CYRIA: variants seen among roughly 807,000 people sequenced by gnomAD.
The protein encoded by CYRIA is CYFIP-related Rac1 interactor A.
CYRIA carries 15 observed loss-of-function variants against 43.9 expected under a neutral mutation model. That is an observed-to-expected ratio of 0.34 (90% confidence interval 0.23 to 0.53). The LOEUF (loss-of-function observed/expected upper bound fraction) is 0.53, where lower values mean the gene tolerates loss of function less well. Among genes scored for constraint, CYRIA ranks in the 20% least tolerant of loss-of-function variants. CYRIA has a pLI of 0.94. For synonymous variants in CYRIA, 117 were observed against 136.0 expected (o/e 0.86, Z 0.97); for missense variants, 236 against 394.2 (o/e 0.60, Z 3.40).
chr2:16,590,530 AT>A (rs1174505042), intron 2 of CYRIA, among the ~76,000 whole-genome samples: 1 of 152,100 alleles, frequency 6.6e-6, no homozygotes, highest in Non-Finnish European at 1.5e-5. Flanking sequence ...CCTGTATGTG[AT>A]TTTACTGTCA....
Position 16,658,343 on chromosome 2 carries a change from G to A in CYRIA, c.-167+7437C>T, listed in dbSNP as rs372066270. Among the ~76,000 whole-genome samples the A allele has an allele frequency of 3.0e-4, 45 of 152,302 alleles. 2 individuals are homozygous for A. In the South Asian group the frequency reaches 8.7e-3, roughly 30 times the overall value. On this transcript the variant is annotated intron_variant, in intron 1 of 11. Coordinates refer to ENST00000381323, the MANE Select transcript of CYRIA (RefSeq NM_030797.4). The stretch of plus-strand genomic sequence containing the variant: ...ACAAATAAAGAGGAACCTAGAGGAC[G>A]TAGCAAAAACTTTACAAACAAATTT...
chr2:16,602,485 G>A (rs572447163), intron 2 of CYRIA, among the ~76,000 whole-genome samples: 2 of 152,168 alleles, frequency 1.3e-5, no homozygotes, highest in South Asian at 2.1e-4. Flanking sequence ...TCTTCAGTAT[G>A]AACATATGTC....
At chr2:16,576,712 C>A (rs767271227) in intron 3 of CYRIA, among the ~76,000 whole-genome samples, 1 of 152,018 alleles carries the variant, frequency 6.6e-6, no homozygotes, top group African/African-American at 2.4e-5. Context: ...AAGCTTAGCA[C>A]GTAGAATACC....
At chr2:16,627,058 C>T (rs923133496) in intron 1 of CYRIA, among the ~76,000 whole-genome samples, 3 of 152,222 alleles carry the variant, frequency 2.0e-5, no homozygotes, top group Admixed American at 6.5e-5. Context: ...CCGAAATAGG[C>T]ATCTCCTGTC....
chr2:16,637,450 G>A (rs1669533288), intron 1 of CYRIA, among the ~76,000 whole-genome samples: 1 of 152,182 alleles, frequency 6.6e-6, no homozygotes, highest in African/African-American at 2.4e-5. Context: ...AGGATGCAAT[G>A]AGGAAACAGC....
chr2:16,559,101 G>A (rs1465501129), intron 10 of CYRIA, among the ~76,000 whole-genome samples: 1 of 152,142 alleles, frequency 6.6e-6, no homozygotes, highest in East Asian at 1.9e-4. Context: ...TTGTAATGTA[G>A]TATCTCCCAA....
chr2:16,590,403 A>T (rs939828269), intron 2 of CYRIA, among the ~76,000 whole-genome samples: 1 of 152,180 alleles, frequency 6.6e-6, no homozygotes, highest in Non-Finnish European at 1.5e-5. Context: ...TTGTAGGAGT[A>T]CTGACTTTCA....
chr2:16,588,440 A>AAAC (rs1667811972), intron 2 of CYRIA, among the ~76,000 whole-genome samples: 1 of 151,950 alleles, frequency 6.6e-6, no homozygotes, highest in African/African-American at 2.4e-5. Context: ...AAAAAAAAAA[A>AAAC]AACATAAAGA....
At chr2:16,570,386 G>A (rs374800342) in intron 3 of CYRIA, among the ~76,000 whole-genome samples, 31 of 152,256 alleles carry the variant, frequency 2.0e-4, no homozygotes, top group African/African-American at 7.2e-4. Flanking sequence ...TGTCTCACCA[G>A]TGTGGTTAAC....
At chr2:16,591,964 T>C (rs1221489625) in intron 2 of CYRIA, among the ~76,000 whole-genome samples, 1 of 152,164 alleles carries the variant, frequency 6.6e-6, no homozygotes, top group African/African-American at 2.4e-5. Flanking sequence ...GTCCTACTTA[T>C]GTAGGACATA....
chr2:16,593,686 TTG>T (rs201335187), intron 2 of CYRIA, among the ~76,000 whole-genome samples: 1 of 135,370 alleles, frequency 7.4e-6, no homozygotes, highest in Non-Finnish European at 1.6e-5. Context: ...CTTTATTTTT[TTG>T]TGTGTGTGTG....
intron 1 of CYRIA, among the ~76,000 whole-genome samples, chr2:16,644,908 C>T (rs535820811): frequency 6.6e-6 from 1 of 152,330 alleles, no homozygotes; most frequent in Non-Finnish European, 1.5e-5. Context: ...TAGCAGACGG[C>T]AGCTGATTGA....
Position 16,610,897 on chromosome 2 carries a change from CATATATATAT to C in CYRIA, c.-11+12957_-11+12966del, listed in dbSNP as rs60848949. Among the ~76,000 whole-genome samples, 518 of 92,570 alleles carry C rather than the reference CATATATATAT, an allele frequency of 5.6e-3. 20 individuals are homozygous for C. The highest frequency in any genetic ancestry group is 0.037 in the East Asian group (56 of 1,532). The allele number at this position is 92,570 out of a possible 152,430, so 60.7% of individuals were successfully genotyped here. On this transcript the variant is annotated intron_variant, in intron 2 of 11. Transcript: ENST00000381323. ...TAGGATTGACTTCTTTTAGTCCCAA[CATATATATAT>C]ATATATATATATATATATATATATA... is the stretch of plus-strand genomic sequence containing the variant.
intron 1 of CYRIA, among the ~76,000 whole-genome samples, chr2:16,636,640 A>G (rs1224390034): frequency 2.0e-5 from 3 of 151,638 alleles, no homozygotes; most frequent in Non-Finnish European, 2.9e-5. Context: ...AGGTCTCTAC[A>G]CTCCCTCTGC....
chr2:16,581,292 G>C (rs754865065), intron 3 of CYRIA, among the ~76,000 whole-genome samples: 1 of 152,090 alleles, frequency 6.6e-6, no homozygotes, highest in African/African-American at 2.4e-5. Flanking sequence ...CAAAAGACAT[G>C]ACAAGATATT....
At chr2:16,655,211 T>A (rs940341840) in intron 1 of CYRIA, among the ~76,000 whole-genome samples, 2 of 152,236 alleles carry the variant, frequency 1.3e-5, no homozygotes, top group African/African-American at 4.8e-5. Flanking sequence ...TTTGCTTCAG[T>A]AATTGCAGGC....
At chr2:16,624,697 T>G (rs948949209) in intron 1 of CYRIA, among the ~76,000 whole-genome samples, 6 of 152,186 alleles carry the variant, frequency 3.9e-5, no homozygotes, top group African/African-American at 1.4e-4. Context: ...TATTGCAGGG[T>G]TTTTTTCCTG....
intron 3 of CYRIA, among the ~76,000 whole-genome samples, chr2:16,575,727 G>A (rs1358502116): frequency 1.3e-5 from 2 of 152,054 alleles, no homozygotes; most frequent in African/African-American, 2.4e-5. Flanking sequence ...GTGATGGCGG[G>A]CGCCTGTAGT....
At chr2:16,611,168 C>T (rs1392240567) in intron 2 of CYRIA, among the ~76,000 whole-genome samples, 2 of 149,988 alleles carry the variant, frequency 1.3e-5, no homozygotes, top group African/African-American at 4.9e-5. Flanking sequence ...GACCATCCTT[C>T]ACAACATGGT....
Sources: allele counts gnomAD v4.1 joint callset (sites outside exome capture counted in the v4.1 genomes callset), GRCh38; gene constraint gnomAD v4.1.1; transcripts MANE v1.5; gene names NCBI Gene and HGNC (gene_info 2026-07-23, HGNC 2026-07-21).